Variants in MEGF11 observed in about 807,000 individuals in gnomAD.
The protein encoded by MEGF11 is multiple epidermal growth factor-like domains protein 11.
A neutral mutation model predicts 146.6 loss-of-function variants in MEGF11; 126 were observed. That is an observed-to-expected ratio of 0.86 (90% CI 0.74 to 1.00). The LOEUF (loss-of-function observed/expected upper bound fraction) is 1.00. MEGF11 is among the 50% of genes least tolerant of loss of function. The pLI, the probability that MEGF11 is intolerant of heterozygous loss-of-function variation, is 0.00. For synonymous variants in MEGF11, 532 were observed against 583.4 expected (o/e 0.91, Z 1.27); for missense variants, 1,509 against 1,521.2 (o/e 0.99, Z 0.13).
At chr15:66,011,967 G>A (rs902791176) in intron 5 of MEGF11, among the ~76,000 whole-genome samples, 6 of 152,072 alleles carry the variant, frequency 3.9e-5, no homozygotes, top group Admixed American at 3.3e-4. Context: ...AGGGCTGGAT[G>A]AGGTGGCTGT....
chr15:65,999,815 G>A (rs972784635), intron 5 of MEGF11, among the ~76,000 whole-genome samples: 4 of 152,240 alleles, frequency 2.6e-5, no homozygotes, highest in African/African-American at 4.8e-5. Context: ...CTATGTGCAA[G>A]TAAATTAATT....
At chr15:66,038,113 G>C (rs747958349) in intron 5 of MEGF11, among the ~76,000 whole-genome samples, 1 of 152,314 alleles carries the variant, frequency 6.6e-6, no homozygotes, top group East Asian at 1.9e-4. Flanking sequence ...CCCAGAACCA[G>C]GGAGAGCAAA....
At chr15:65,992,032 C>G (rs2082059041) in intron 5 of MEGF11, among the ~76,000 whole-genome samples, 1 of 152,236 alleles carries the variant, frequency 6.6e-6, no homozygotes, top group African/African-American at 2.4e-5. Flanking sequence ...GGGGAGGGTG[C>G]TCCACTGTCA....
intron 2 of MEGF11, among the ~76,000 whole-genome samples, chr15:66,127,776 C>G (rs543927881): frequency 6.6e-6 from 1 of 152,190 alleles, no homozygotes. Flanking sequence ...CCCGCTCTTC[C>G]GCTGCAGCTT....
chr15:65,963,028 G>A (rs2080920947), intron 9 of MEGF11, among the ~76,000 whole-genome samples: 1 of 152,186 alleles, frequency 6.6e-6, no homozygotes, highest in African/African-American at 2.4e-5. Flanking sequence ...GAATTATACA[G>A]GGCATGGTTG....
chr15:66,045,561 A>G (rs956799591), intron 5 of MEGF11, among the ~76,000 whole-genome samples: 15 of 152,184 alleles, frequency 9.9e-5, no homozygotes, highest in African/African-American at 3.6e-4. Context: ...TTCCCCTTGT[A>G]GCCAGGCAGG....
chr15:65,936,213 C>G (rs1159152903), intron 10 of MEGF11, among the ~76,000 whole-genome samples: 4 of 152,104 alleles, frequency 2.6e-5, no homozygotes, highest in African/African-American at 9.7e-5. Flanking sequence ...TCCTCTCCAG[C>G]CCACCAGCCC....
intron 10 of MEGF11, among the ~76,000 whole-genome samples, chr15:65,940,223 C>T (rs1567167432): frequency 6.6e-6 from 1 of 152,176 alleles, no homozygotes; most frequent in Non-Finnish European, 1.5e-5. Context: ...CCTGGAGTTC[C>T]GGAGCTACTA....
chr15:65,997,250 C>T (rs944859185), intron 5 of MEGF11, among the ~76,000 whole-genome samples: 2 of 152,178 alleles, frequency 1.3e-5, no homozygotes, highest in Non-Finnish European at 2.9e-5. Context: ...AAGGATGGGA[C>T]TGGATGCTCC....
At chr15:65,984,922 C>A (rs552451985) in intron 5 of MEGF11, among the ~76,000 whole-genome samples, 48 of 152,178 alleles carry the variant, frequency 3.2e-4, no homozygotes, top group African/African-American at 1.1e-3. Context: ...GCGCCTGCCA[C>A]CACGCCTGGC....
intron 5 of MEGF11, among the ~76,000 whole-genome samples, chr15:66,003,313 G>C (rs1259937171): frequency 6.6e-6 from 1 of 152,170 alleles, no homozygotes; most frequent in African/African-American, 2.4e-5. Context: ...TTCTATCAGA[G>C]CATCTGAGCT....
At chr15:65,955,500 T>C (rs2080554217) in intron 10 of MEGF11, among the ~76,000 whole-genome samples, 1 of 149,932 alleles carries the variant, frequency 6.7e-6, no homozygotes, top group Non-Finnish European at 1.5e-5. Context: ...TCTCAGCACT[T>C]TGGGAGGCCA....
intron 1 of MEGF11, among the ~76,000 whole-genome samples, chr15:66,231,841 C>T (rs1343418372): frequency 6.6e-6 from 1 of 152,206 alleles, no homozygotes; most frequent in East Asian, 1.9e-4. Context: ...TTTGTGGAAG[C>T]TCGGAATACA....
At chr15:65,920,787 A>G (rs1258219870) in intron 15 of MEGF11, among the ~76,000 whole-genome samples, 1 of 152,256 alleles carries the variant, frequency 6.6e-6, no homozygotes, top group Non-Finnish European at 1.5e-5. Flanking sequence ...TACAAGGTTT[A>G]AGACTTAACC....
chr15:65,933,115 C>T (rs987946226), intron 10 of MEGF11, among the ~76,000 whole-genome samples: 7 of 152,274 alleles, frequency 4.6e-5, no homozygotes, highest in Admixed American at 6.5e-5. Context: ...GCTTCTGTCT[C>T]GCCCTTGGGG....
chr15:65,987,991 G>A (rs558164785), intron 5 of MEGF11, among the ~76,000 whole-genome samples: 24 of 140,064 alleles, frequency 1.7e-4, no homozygotes, highest in Non-Finnish European at 3.1e-4. Context: ...TTACAGGCAT[G>A]AGCCACAGTA....
chr15:65,950,210 A>G lies in MEGF11; in HGVS notation c.1287+7337T>C, dbSNP rs557301602. Among the ~76,000 whole-genome samples the G allele has an allele frequency of 1.4e-3, 212 of 152,380 alleles. 1 individual carries two copies. The highest frequency in any genetic ancestry group is 4.6e-3 in the African/African-American group (193 of 41,590). ...TTGAAAGATTACTAATATGCTAGAC[A>G]TTCTAAGCACTTTATATTTGCTAAT... is the stretch of plus-strand genomic sequence containing the variant. On this transcript the variant is annotated intron_variant, in intron 10 of 25. Transcript: ENST00000395614.
chr15:66,102,094 T>C (rs2086834148), intron 4 of MEGF11, among the ~76,000 whole-genome samples: 1 of 151,554 alleles, frequency 6.6e-6, no homozygotes, highest in Admixed American at 6.6e-5. Context: ...ATCCAGCCAC[T>C]GGGCCTGATA....
intron 3 of MEGF11, among the ~76,000 whole-genome samples, chr15:66,120,801 C>T (rs538465768): frequency 6.6e-6 from 1 of 152,328 alleles, no homozygotes; most frequent in African/African-American, 2.4e-5. Flanking sequence ...ACTCAGAGGT[C>T]ATCCAGCCTG....
Sources: gnomAD v4.1 joint callset for allele counts (sites outside exome capture counted in the v4.1 genomes callset) on GRCh38, gnomAD v4.1.1 for gene constraint, MANE v1.5 for transcripts, NCBI Gene and HGNC (gene_info 2026-07-23, HGNC 2026-07-21) for gene names.